Variants in NRG3 observed in about 807,000 individuals in gnomAD.
NRG3 encodes the protein pro-neuregulin-3, membrane-bound isoform.
In NRG3, 31 loss-of-function variants were observed where a neutral mutation model predicts 66.9. The observed-to-expected ratio is 0.46, with a 90% CI of 0.35 to 0.63. NRG3 has a LOEUF of 0.63. NRG3 is among the 20% of genes least tolerant of loss of function. NRG3 has a pLI of 0.00. For synonymous variants in NRG3, 393 were observed against 359.4 expected (o/e 1.09, Z -1.06); for missense variants, 910 against 878.9 (o/e 1.04, Z -0.45).
intron 1 of NRG3, among the ~76,000 whole-genome samples, chr10:81,919,226 G>T (rs530814293): frequency 4.0e-4 from 61 of 152,334 alleles, no homozygotes; most frequent in African/African-American, 1.3e-3. Flanking sequence ...GGGCCCCAGG[G>T]CTGAAAAGAA....
chr10:82,544,637 A>G (rs2043767527), intron 2 of NRG3, among the ~76,000 whole-genome samples: 1 of 152,186 alleles, frequency 6.6e-6, no homozygotes, highest in African/African-American at 2.4e-5. Context: ...AGAGACATGG[A>G]GGAGGGCTAG....
rs550434094 is a variant in NRG3 at position 82,232,586 on chromosome 10, A to C, written c.824-126153A>C. 8.3e-4 allele frequency: 492 copies of C among 589,336 alleles called. 1 individual carries two copies. The highest frequency in any genetic ancestry group is 3.6e-3 in the African/African-American group (193 of 53,542). The allele number at this position is 589,336 out of a possible 1,614,324, so 36.5% of individuals were successfully genotyped here. On this transcript the variant is annotated intron_variant, in intron 1 of 8. Coordinates refer to ENST00000372141, the MANE Select transcript of NRG3 (RefSeq NM_001010848.4). ...TCTGACCGTTTTTCTGGTTACTAAT[A>C]CAGACTTTCATTGTTTTTCTCTTTT...
chr10:82,255,603 A>G (rs920508099), intron 1 of NRG3, among the ~76,000 whole-genome samples: 11 of 152,074 alleles, frequency 7.2e-5, no homozygotes, highest in Admixed American at 1.3e-4. Flanking sequence ...AAAACAAAAA[A>G]CAAACAAACA....
intron 1 of NRG3, among the ~76,000 whole-genome samples, chr10:82,350,650 G>A (rs17099822): frequency 0.024 from 3,677 of 152,272 alleles, 157 homozygotes; most frequent in African/African-American, 0.08. Flanking sequence ...GAGGTAAAGG[G>A]AATAGCACAT....
At chr10:82,571,597 T>C (rs1406315049) in intron 2 of NRG3, among the ~76,000 whole-genome samples, 2 of 151,700 alleles carry the variant, frequency 1.3e-5, no homozygotes, top group African/African-American at 2.4e-5. Flanking sequence ...TCTGCAGGAA[T>C]TTCTGTTGTA....
intron 2 of NRG3, among the ~76,000 whole-genome samples, chr10:82,529,336 A>T (rs542208379): frequency 6.6e-6 from 1 of 152,338 alleles, no homozygotes; most frequent in East Asian, 1.9e-4. Context: ...AGGAAGATAC[A>T]GTACAGCAAC....
chr10:82,487,853 GTATAT>G (rs1283272898), intron 2 of NRG3, among the ~76,000 whole-genome samples: 1 of 152,066 alleles, frequency 6.6e-6, no homozygotes, highest in Non-Finnish European at 1.5e-5. Flanking sequence ...TGACATTTCA[GTATAT>G]TATGAGTTGT....
At chr10:82,815,439 A>G (rs933812660) in intron 3 of NRG3, among the ~76,000 whole-genome samples, 2 of 152,140 alleles carry the variant, frequency 1.3e-5, no homozygotes, top group Non-Finnish European at 2.9e-5. Flanking sequence ...GAGGTTTGAC[A>G]CTTTTGTTTC....
chr10:81,960,050 T>C (rs1316850817), intron 1 of NRG3, among the ~76,000 whole-genome samples: 1 of 152,240 alleles, frequency 6.6e-6, no homozygotes, highest in African/African-American at 2.4e-5. Flanking sequence ...CTCCACATTT[T>C]CTTATGCCTA....
intron 2 of NRG3, among the ~76,000 whole-genome samples, chr10:82,543,814 G>A (rs982276202): frequency 2.0e-5 from 3 of 152,154 alleles, no homozygotes; most frequent in Admixed American, 6.5e-5. Context: ...GCCTTCTGCC[G>A]CCTGGAGTTC....
chr10:82,540,498 G>T (rs1390704883), intron 2 of NRG3, among the ~76,000 whole-genome samples: 1 of 152,014 alleles, frequency 6.6e-6, no homozygotes, highest in African/African-American at 2.4e-5. Context: ...GAGTGGGGAT[G>T]TGTTTGTGTG....
At chr10:82,475,082 C>G (rs1841648535) in intron 2 of NRG3, among the ~76,000 whole-genome samples, 1 of 151,350 alleles carries the variant, frequency 6.6e-6, no homozygotes, top group Admixed American at 6.6e-5. Context: ...AAAAAGCTAG[C>G]AGAAAGAAAT....
chr10:82,080,805 T>G (rs2065349380), intron 1 of NRG3, among the ~76,000 whole-genome samples: 1 of 152,178 alleles, frequency 6.6e-6, no homozygotes, highest in South Asian at 2.1e-4. Flanking sequence ...TTAGATACAT[T>G]CACAATACTG....
At chr10:82,691,086 C>A (rs1467808854) in intron 2 of NRG3, among the ~76,000 whole-genome samples, 1 of 152,110 alleles carries the variant, frequency 6.6e-6, no homozygotes, top group African/African-American at 2.4e-5. Flanking sequence ...ATGATGCACC[C>A]GAATCAGAAT....
chr10:82,057,729 C>G (rs1040793102), intron 1 of NRG3, among the ~76,000 whole-genome samples: 1 of 152,084 alleles, frequency 6.6e-6, no homozygotes, highest in Non-Finnish European at 1.5e-5. Flanking sequence ...TCACTGCCTC[C>G]TCTTCGTCCT....
intron 2 of NRG3, among the ~76,000 whole-genome samples, chr10:82,569,826 A>G (rs1424156507): frequency 1.3e-5 from 2 of 151,676 alleles, no homozygotes; most frequent in African/African-American, 4.8e-5. Flanking sequence ...TGAGTGATAA[A>G]TCCAGGTTCT....
chr10:82,449,380 C>T (rs1015994186), intron 2 of NRG3, among the ~76,000 whole-genome samples: 6 of 152,194 alleles, frequency 3.9e-5, no homozygotes, highest in Admixed American at 3.9e-4. Context: ...TTTTGTTATC[C>T]TTGCACTCAT....
At chr10:82,557,371 A>C (rs2044717570) in intron 2 of NRG3, among the ~76,000 whole-genome samples, 1 of 152,046 alleles carries the variant, frequency 6.6e-6, no homozygotes, top group African/African-American at 2.4e-5. Context: ...TTTGATTTGC[A>C]TATCTGTAAT....
At chr10:82,694,568 G>A (rs1276155125) in intron 2 of NRG3, among the ~76,000 whole-genome samples, 3 of 151,930 alleles carry the variant, frequency 2.0e-5, no homozygotes. Flanking sequence ...CAGACTGGGA[G>A]TATAGTGAAA....
Sources: gnomAD v4.1 joint callset for allele counts (sites outside exome capture counted in the v4.1 genomes callset) on GRCh38, gnomAD v4.1.1 for gene constraint, MANE v1.5 for transcripts, NCBI Gene and HGNC (gene_info 2026-07-23, HGNC 2026-07-21) for gene names.